Variants in KSR1 observed in about 807,000 individuals in gnomAD.
KSR1 encodes the protein kinase suppressor of ras.
KSR1 carries 35 observed loss-of-function variants against 92.9 expected under a neutral mutation model. The observed-to-expected ratio is 0.38, with a 90% CI of 0.29 to 0.50. KSR1 has a LOEUF of 0.50. Ranked by LOEUF, KSR1 falls within the 20% of genes least tolerant of loss-of-function variation. The pLI is 0.94. For missense variants in KSR1, 972 were observed against 1,158.5 expected (o/e 0.84, Z 2.34); for synonymous variants, 467 against 472.6 (o/e 0.99, Z 0.15).
At chr17:27,506,134 A>G (rs2069372763) in intron 1 of KSR1, among the ~76,000 whole-genome samples, 1 of 152,184 alleles carries the variant, frequency 6.6e-6, no homozygotes, top group Non-Finnish European at 1.5e-5. Flanking sequence ...GTGGATATGT[A>G]TCTGATTCAC....
intron 1 of KSR1, among the ~76,000 whole-genome samples, chr17:27,512,655 G>A (rs1398450610): frequency 6.6e-6 from 1 of 152,150 alleles, no homozygotes; most frequent in Non-Finnish European, 1.5e-5. Context: ...CCTGGGAGGC[G>A]GAGGTTGCAG....
chr17:27,587,269 G>A (rs537231592), intron 5 of KSR1: 1 of 152,388 alleles, frequency 6.6e-6, no homozygotes, highest in South Asian at 2.1e-4. Flanking sequence ...GTGCCAGGGA[G>A]AGCTGCGGGT....
At chr17:27,599,936 A>G (rs1247635651) in intron 10 of KSR1, among the ~76,000 whole-genome samples, 1 of 152,034 alleles carries the variant, frequency 6.6e-6, no homozygotes, top group African/African-American at 2.4e-5. Flanking sequence ...GTGCAGCCTC[A>G]GGATCATCAA....
chr17:27,607,043 G>T (rs1437916954), intron 14 of KSR1, among the ~76,000 whole-genome samples: 2 of 152,082 alleles, frequency 1.3e-5, no homozygotes, highest in Admixed American at 6.6e-5. Context: ...TGTTGGCCAG[G>T]CTGGTCTCAA....
chr17:27,491,283 C>T (rs2068816331), intron 1 of KSR1, among the ~76,000 whole-genome samples: 1 of 146,336 alleles, frequency 6.8e-6, no homozygotes, highest in South Asian at 2.2e-4. Context: ...TGCCACCAAT[C>T]CTGGCTAATT....
Position 27,603,908 on chromosome 17 carries a change from G to T in KSR1, c.1565+20G>T. 1.9e-6 allele frequency: 3 copies of T among 1,611,946 alleles called. No individual in the cohort carries two copies. Among genetic ancestry groups the T allele is most frequent in the Non-Finnish European group, 2.5e-6 (3 of 1,178,688 alleles). On this transcript the variant is annotated intron_variant, in intron 12 of 20. Transcript: ENST00000644974. The stretch of plus-strand genomic sequence containing the variant: ...TACCCGGTAGGCATCCCTAGGTGGT[G>T]TCCCCTTCGCTTCTTTGGGGAATTA...
intron 1 of KSR1, among the ~76,000 whole-genome samples, chr17:27,483,403 C>T (rs539190116): frequency 1.3e-5 from 2 of 152,126 alleles, no homozygotes; most frequent in South Asian, 2.1e-4. Context: ...GCCTGATCAA[C>T]GTGGAGAAAC....
intron 1 of KSR1, among the ~76,000 whole-genome samples, chr17:27,520,966 T>A (rs1441519702): frequency 6.6e-6 from 1 of 152,238 alleles, no homozygotes; most frequent in Non-Finnish European, 1.5e-5. Flanking sequence ...ATGGGCTGTT[T>A]GGCCTTGGGT....
intron 1 of KSR1, among the ~76,000 whole-genome samples, chr17:27,517,626 T>C (rs1567784615): frequency 6.6e-6 from 1 of 152,242 alleles, no homozygotes; most frequent in Non-Finnish European, 1.5e-5. Flanking sequence ...CATTGGACGA[T>C]AAACTATGAG....
chr17:27,598,538 G>A (rs551825515), intron 10 of KSR1, among the ~76,000 whole-genome samples: 74 of 152,240 alleles, frequency 4.9e-4, no homozygotes, highest in African/African-American at 1.6e-3. Flanking sequence ...TGACATTCAC[G>A]CGTTGTCCTG....
intron 1 of KSR1, among the ~76,000 whole-genome samples, chr17:27,508,551 G>A (rs1182948425): frequency 6.6e-6 from 1 of 152,012 alleles, no homozygotes; most frequent in Non-Finnish European, 1.5e-5. Flanking sequence ...TCCTCTCTGG[G>A]CTTATTGCCT....
At chr17:27,551,795 A>G (rs1017161361) in intron 2 of KSR1, among the ~76,000 whole-genome samples, 1 of 152,074 alleles carries the variant, frequency 6.6e-6, no homozygotes, top group African/African-American at 2.4e-5. Context: ...CTCCAGCACC[A>G]CGGTCCAGGC....
chr17:27,605,552 G>A lies in KSR1; in HGVS notation c.1733G>A (p.Ser578Asn). 6.3e-7 allele frequency: 1 copy of A among 1,594,562 alleles called. No individual in the cohort carries two copies. The highest frequency in any genetic ancestry group is 1.1e-5 in the South Asian group (1 of 88,034). ...ATCTCTCGCAAGGCCAGCCAGACCA[G>A]CGTGTACCTGCAGGAGTGGGACATC... The part of the protein sequence containing the change: ...GPISRKASQT[S>N]VYLQEWDIPF... The change falls in exon 14 of 21, where the codon AGC becomes AAC. Residue 578 changes from serine to asparagine, a missense_variant. Physicochemically the swap from Ser to Asn is conservative, Grantham distance 46 (BLOSUM62 1). Transcript: ENST00000644974.
chr17:27,525,018 T>C (rs571875587), intron 1 of KSR1, among the ~76,000 whole-genome samples: 1 of 152,264 alleles, frequency 6.6e-6, no homozygotes, highest in Non-Finnish European at 1.5e-5. Flanking sequence ...TCATCATTAC[T>C]GAAAATGTGA....
chr17:27,460,633 G>T (rs1327086714), intron 1 of KSR1, among the ~76,000 whole-genome samples: 3 of 152,148 alleles, frequency 2.0e-5, no homozygotes, highest in Admixed American at 1.3e-4. Context: ...GGGGGTCAGA[G>T]GGGAGGCCCT....
chr17:27,546,905 T>C (rs2071196819), intron 1 of KSR1, among the ~76,000 whole-genome samples: 1 of 152,160 alleles, frequency 6.6e-6, no homozygotes, highest in South Asian at 2.1e-4. Flanking sequence ...CTCAGAGTCC[T>C]GAACCTCAGC....
At chr17:27,561,639 C>G (rs760555115) in intron 2 of KSR1, among the ~76,000 whole-genome samples, 1 of 152,136 alleles carries the variant, frequency 6.6e-6, no homozygotes, top group Non-Finnish European at 1.5e-5. Context: ...GTTGTGTGCT[C>G]GGCACTGTTC....
chr17:27,561,691 A>G (rs1337329672), intron 2 of KSR1, among the ~76,000 whole-genome samples: 2 of 152,226 alleles, frequency 1.3e-5, no homozygotes, highest in African/African-American at 4.8e-5. Flanking sequence ...GAACTGGCAG[A>G]CATCACTTTC....
At chr17:27,603,678 G>T (rs1408843995) in intron 11 of KSR1, among the ~76,000 whole-genome samples, 156 bp from the exon 12 acceptor site, 1 of 152,178 alleles carries the variant, frequency 6.6e-6, no homozygotes, top group Non-Finnish European at 1.5e-5. Context: ...TTTATGGAAG[G>T]GCCCAGGCTG....
Sources: allele counts gnomAD v4.1 joint callset (sites outside exome capture counted in the v4.1 genomes callset), GRCh38; gene constraint gnomAD v4.1.1; transcripts MANE v1.5; gene names NCBI Gene and HGNC (gene_info 2026-07-23, HGNC 2026-07-21).